SCIN: variants seen among roughly 807,000 people sequenced by gnomAD.
SCIN encodes adseverin.
In SCIN, 91 loss-of-function variants were observed where a neutral mutation model predicts 91.8. That is an observed-to-expected ratio of 0.99 (90% CI 0.84 to 1.18). The LOEUF is 1.18. Ranked by LOEUF, SCIN falls within the 50% of genes most tolerant of loss-of-function variation. SCIN has a pLI of 0.00. For missense variants in SCIN, 1,087 were observed against 863.9 expected (o/e 1.26, Z -3.24); for synonymous variants, 367 against 312.6 (o/e 1.17, Z -1.84).
chr7:12,625,630 A>G lies in SCIN; in HGVS notation c.893-132A>G, dbSNP rs921519242. 1.3e-5 allele frequency: 9 copies of G among 701,086 alleles called. No homozygotes were observed. In the African/African-American group the frequency reaches 1.3e-4, roughly 10 times the overall value. The allele number at this position is 701,086 out of a possible 1,614,324, so 43.4% of individuals were successfully genotyped here. A position where few individuals can be genotyped will look rare whatever the true frequency, so the allele number is the denominator to read the frequency against. On this transcript the variant is annotated intron_variant, in intron 6 of 15. Coordinates refer to ENST00000297029, the MANE Select transcript of SCIN (RefSeq NM_001112706.3). ...AGGCGTGAGCCACCGCACCCGGCCA[A>G]TTTTGCTATTCTTTCACTGCTGTAT...
chr7:12,585,595 T>C (rs1013904882), intron 3 of SCIN, among the ~76,000 whole-genome samples: 10 of 152,158 alleles, frequency 6.6e-5, no homozygotes, highest in Non-Finnish European at 1.3e-4. Context: ...AATGATTTCT[T>C]CTCTAATTGT....
At chr7:12,596,274 G>A (rs932088321) in intron 3 of SCIN, 59 of 433,374 alleles carry the variant, frequency 1.4e-4, no homozygotes, top group Admixed American at 1.3e-3. Flanking sequence ...TTCCAGTGGC[G>A]TGTCCCCAGA....
In SCIN at chr7:12,598,163, A is replaced by C. The variant is rs144191437; in HGVS notation, c.517-6351A>C. 6.2e-3 allele frequency among the ~76,000 whole-genome samples: 939 copies of C among 152,342 alleles called. 7 individuals carry two copies. Among genetic ancestry groups the C allele is most frequent in the Non-Finnish European group, 0.011 (736 of 68,032 alleles). ...AAGCATTATACATAAAATAACTTAG[A>C]TTATAGTGAAAACTTTCTGTTGTAG... On this transcript the variant is annotated intron_variant, in intron 3 of 15. Coordinates refer to ENST00000297029, the MANE Select transcript of SCIN (RefSeq NM_001112706.3).
chr7:12,604,536 C>T lies in SCIN; in HGVS notation c.539C>T (p.Ser180Phe), dbSNP rs1200882285. Residue 180 changes from serine to phenylalanine, a missense_variant, in exon 4 of 16, where the codon TCC (serine) becomes TTC (phenylalanine). Physicochemically the swap from Ser to Phe is radical, Grantham distance 155. Transcript: ENST00000297029. Reference sequence around the variant, plus strand: ...TAGGAAATTTATCAGTGGTGTGGTTCCTCGTGCAACAAATATGAACGTCTG... The same window carrying T: ...TAGGAAATTTATCAGTGGTGTGGTTTCTCGTGCAACAAATATGAACGTCTG... ...LGTEIYQWCG[S>F]SCNKYERLKA... 4.5e-6 allele frequency: 7 copies of T among 1,551,654 alleles called. No homozygotes were observed. The highest frequency in any genetic ancestry group is 3.9e-5 in the Admixed American group (2 of 50,984).
At chr7:12,622,969 C>A in intron 5 of SCIN, 76 bp downstream of exon 5, 1 of 995,890 alleles carries the variant, frequency 1.0e-6, no homozygotes. Flanking sequence ...GGGCGGGATT[C>A]CCGTTGCTGC....
intron 3 of SCIN, among the ~76,000 whole-genome samples, chr7:12,583,996 C>G (rs1029311244): frequency 6.6e-6 from 1 of 152,110 alleles, no homozygotes; most frequent in African/African-American, 2.4e-5. Flanking sequence ...TTTTCCTATA[C>G]TCAAAAGGGA....
At chr7:12,608,531 G>A (rs1008166541) in intron 4 of SCIN, among the ~76,000 whole-genome samples, 1 of 152,128 alleles carries the variant, frequency 6.6e-6, no homozygotes. Flanking sequence ...AGTCTAGAGT[G>A]CAGTGGTACG....
intron 4 of SCIN, among the ~76,000 whole-genome samples, chr7:12,612,382 A>G (rs1490243812): frequency 6.6e-6 from 1 of 152,204 alleles, no homozygotes; most frequent in African/African-American, 2.4e-5. Context: ...AACCCTCTCT[A>G]AATTAGTCCT....
chr7:12,604,950 A>C (rs1783044562), intron 4 of SCIN, among the ~76,000 whole-genome samples: 1 of 152,310 alleles, frequency 6.6e-6, no homozygotes, highest in East Asian at 1.9e-4. Flanking sequence ...AATGAGTGAC[A>C]CTTCTGAAAT....
chr7:12,570,825 G>A lies in SCIN; in HGVS notation c.39G>A (p.Ala13=), dbSNP rs76096341. The A allele has an allele frequency of 0.052, 80,196 of 1,551,506 alleles. 2,344 individuals carry two copies. The highest frequency in any genetic ancestry group is 0.06 in the Non-Finnish European group (69,170 of 1,146,950). ...TATACCACGAAGAGTTCGCCCGGGC[G>A]GGCAAGCAGGCGGGGCTGCAGGTCT... The part of the protein sequence containing the change: ...RELYHEEFAR[A]GKQAGLQVWR... The change falls in exon 1 of 16, where the codon GCG becomes GCA. Residue 13 remains alanine, a synonymous_variant. Transcript: ENST00000297029.
At chr7:12,623,790 C>T (rs1432949843) in intron 5 of SCIN, among the ~76,000 whole-genome samples, 4 of 152,028 alleles carry the variant, frequency 2.6e-5, no homozygotes, top group Admixed American at 6.6e-5. Context: ...ACTTGTTTAG[C>T]GTAATTTCCT....
chr7:12,629,173 T>C lies in SCIN; in HGVS notation c.1270T>C (p.Cys424Arg), dbSNP rs1466616591. Residue 424 changes from cysteine to arginine, a missense_variant, in exon 9 of 16, where the codon TGC becomes CGC. Physicochemically the swap from Cys to Arg is radical, Grantham distance 180. Coordinates refer to ENST00000297029, the MANE Select transcript of SCIN (RefSeq NM_001112706.3). ...NSYGEFYGGD[C>R]YIILYTYPRG... ...ATATGGTGAATTCTATGGTGGTGAC[T>C]GCTACATCATACTCTACACCTATCC... The C allele has an allele frequency of 6.2e-7, 1 of 1,613,246 alleles. No homozygotes were observed. The highest frequency in any genetic ancestry group is 1.1e-5 in the South Asian group (1 of 91,036).
intron 4 of SCIN, among the ~76,000 whole-genome samples, chr7:12,620,054 A>G (rs188246403): frequency 4.6e-5 from 7 of 152,144 alleles, no homozygotes; most frequent in African/African-American, 1.4e-4. Flanking sequence ...TTGTACATAT[A>G]TATCTATCAA....
At chr7:12,643,152 T>G (rs377288447) in intron 11 of SCIN, among the ~76,000 whole-genome samples, 113 of 152,318 alleles carry the variant, frequency 7.4e-4, no homozygotes, top group African/African-American at 2.6e-3. Flanking sequence ...CTGCTTTCTG[T>G]GCATCTCTTT....
intron 3 of SCIN, chr7:12,595,671 G>C (rs894603903): frequency 6.6e-6 from 1 of 152,170 alleles, no homozygotes; most frequent in Non-Finnish European, 1.5e-5. Flanking sequence ...CTTCACATTA[G>C]AATCATTTGG....
chr7:12,619,608 C>T (rs1466609389), intron 4 of SCIN, among the ~76,000 whole-genome samples: 1 of 152,108 alleles, frequency 6.6e-6, no homozygotes, highest in East Asian at 1.9e-4. Flanking sequence ...AACTCTGAAG[C>T]TGGTCGATTA....
At chr7:12,648,359 C>T (rs1225945970) in intron 13 of SCIN, among the ~76,000 whole-genome samples, 3 of 146,878 alleles carry the variant, frequency 2.0e-5, no homozygotes, top group Admixed American at 1.4e-4. Flanking sequence ...TGCAATGGCA[C>T]GGTCTTGACT....
At chr7:12,577,736 G>C (rs903758274) in intron 1 of SCIN, 8 of 400,180 alleles carry the variant, frequency 2.0e-5, no homozygotes, top group Non-Finnish European at 1.9e-5. Context: ...CGCACCTGTA[G>C]TCCAAGCTGC....
At chr7:12,581,306 T>A (rs1583275226) in intron 3 of SCIN, 85 bp downstream of exon 3, 1 of 1,366,840 alleles carries the variant, frequency 7.3e-7, no homozygotes, top group East Asian at 2.5e-5. Flanking sequence ...TTGAAAAGAA[T>A]CACTTTTTCT....
Sources: gnomAD v4.1 joint callset for allele counts (sites outside exome capture counted in the v4.1 genomes callset) on GRCh38, gnomAD v4.1.1 for gene constraint, MANE v1.5 for transcripts, NCBI Gene and HGNC (gene_info 2026-07-23, HGNC 2026-07-21) for gene names.